The following TMC7 variants were observed in gnomAD, a reference collection of about 807,000 sequenced individuals.
TMC7 encodes the protein transmembrane channel-like protein 7.
Under a neutral mutation model 82.9 loss-of-function variants are expected in TMC7, and 54 were observed. The ratio of observed to expected loss-of-function variants is 0.65; its 90% confidence interval spans 0.52 to 0.82. The LOEUF (loss-of-function observed/expected upper bound fraction) is 0.82, where lower values mean the gene tolerates loss of function less well. Ranked by LOEUF, TMC7 falls within the 40% of genes least tolerant of loss-of-function variation. The pLI, the probability that TMC7 is intolerant of heterozygous loss-of-function variation, is 0.00. For missense variants in TMC7, 820 were observed against 901.2 expected (o/e 0.91, Z 1.15); for synonymous variants, 350 against 337.9 (o/e 1.04, Z -0.39).
In TMC7 at chr16:18,984,073, T is replaced by G; in HGVS notation, c.10T>G (p.Ser4Ala). MSE[S>A]SGSALQPGRP... ...AGCGCGGGGCGCGGCCATGAGCGAG[T>G]CCAGCGGCAGTGCGCTCCAGCCCGG... Residue 4 changes from serine (S) to alanine (A), a missense_variant, in exon 1 of 16, where the codon TCC becomes GCC. Coordinates refer to ENST00000304381, the MANE Select transcript of TMC7 (RefSeq NM_024847.4). 2 of 1,498,666 alleles carry G rather than the reference T, an allele frequency of 1.3e-6. No individual in the cohort carries two copies. The highest frequency in any genetic ancestry group is 1.8e-6 in the Non-Finnish European group (2 of 1,132,008). 92.8% of individuals were successfully genotyped at this position (1,498,666 alleles called of 1,614,324 possible).
chr16:19,040,849 A>T (rs1248806325), intron 9 of TMC7, among the ~76,000 whole-genome samples: 4 of 149,986 alleles, frequency 2.7e-5, no homozygotes, highest in African/African-American at 9.8e-5. Flanking sequence ...TTGCATTTGC[A>T]TCTTATTTCA....
chr16:19,021,608 G>A, intron 3 of TMC7, 21 bp from the exon 4 acceptor site: 1 of 1,613,504 alleles, frequency 6.2e-7, no homozygotes, highest in Non-Finnish European at 8.5e-7. Flanking sequence ...GGTCAGTGAT[G>A]TCCGGGTTTG....
chr16:19,007,597 G>A (rs1041360515), intron 1 of TMC7, among the ~76,000 whole-genome samples: 1 of 151,864 alleles, frequency 6.6e-6, no homozygotes, highest in Admixed American at 6.6e-5. Context: ...TTAGCTAAAT[G>A]TCACCTTTAA....
chr16:19,004,945 C>T (rs544859917), intron 1 of TMC7, among the ~76,000 whole-genome samples: 1 of 152,008 alleles, frequency 6.6e-6, no homozygotes, highest in African/African-American at 2.4e-5. Flanking sequence ...TCAAGCAATC[C>T]TCCTGCTTTA....
At chr16:18,997,135 G>T (rs985829728) in intron 1 of TMC7, among the ~76,000 whole-genome samples, 1 of 152,236 alleles carries the variant, frequency 6.6e-6, no homozygotes, top group African/African-American at 2.4e-5. Flanking sequence ...CTCACGGAGT[G>T]AGGGCGAGGA....
At chr16:18,986,773 T>G (rs2038857648) in intron 1 of TMC7, among the ~76,000 whole-genome samples, 1 of 151,988 alleles carries the variant, frequency 6.6e-6, no homozygotes, top group Admixed American at 6.6e-5. Flanking sequence ...GGTCTTTGCA[T>G]CTGCTGTTCT....
chr16:19,047,913 C>G (rs1016899699), intron 12 of TMC7, among the ~76,000 whole-genome samples: 6 of 128,586 alleles, frequency 4.7e-5, no homozygotes, highest in Non-Finnish European at 1.0e-4. Context: ...CTTGGCCAAG[C>G]TGGTCTTGAA....
At chr16:19,058,078 A>C (rs998294196) in intron 14 of TMC7, among the ~76,000 whole-genome samples, 3 of 151,718 alleles carry the variant, frequency 2.0e-5, no homozygotes, top group Admixed American at 6.6e-5. Context: ...CTACACCTGG[A>C]TTTGATTGCT....
intron 14 of TMC7, among the ~76,000 whole-genome samples, chr16:19,058,860 T>C (rs1361312803): frequency 2.6e-5 from 4 of 151,956 alleles, no homozygotes; most frequent in Admixed American, 2.0e-4. Flanking sequence ...CACGCCACCA[T>C]GTCTGGCTAA....
chr16:19,056,333 G>A (rs889696237), intron 13 of TMC7, among the ~76,000 whole-genome samples: 8 of 152,070 alleles, frequency 5.3e-5, no homozygotes, highest in East Asian at 1.9e-4. Flanking sequence ...TGATCCACCC[G>A]CCTCGGCCTC....
chr16:19,054,425 G>A (rs891724826), intron 13 of TMC7, among the ~76,000 whole-genome samples: 5 of 152,040 alleles, frequency 3.3e-5, no homozygotes, highest in Non-Finnish European at 4.4e-5. Flanking sequence ...GCTATAAAAT[G>A]GCATGGTAGG....
chr16:19,042,518 T>G (rs1961060252), intron 9 of TMC7, among the ~76,000 whole-genome samples: 1 of 143,676 alleles, frequency 7.0e-6, no homozygotes, highest in African/African-American at 2.5e-5. Flanking sequence ...TTTTTTTTTC[T>G]TTTTTTTGAG....
intron 5 of TMC7, among the ~76,000 whole-genome samples, chr16:19,024,954 C>G (rs533061749): frequency 7.2e-5 from 11 of 151,894 alleles, no homozygotes; most frequent in Admixed American, 6.6e-5. Context: ...TGCAGTGAGC[C>G]GAGATTGCAC....
intron 4 of TMC7, among the ~76,000 whole-genome samples, chr16:19,022,022 A>G (rs1191741518): frequency 6.6e-6 from 1 of 152,190 alleles, no homozygotes; most frequent in African/African-American, 2.4e-5. Flanking sequence ...TGAGTGAGAA[A>G]TAACCACAAA....
At chr16:19,014,146 G>A (rs779868870) in intron 2 of TMC7, among the ~76,000 whole-genome samples, 2 of 151,998 alleles carry the variant, frequency 1.3e-5, no homozygotes, top group Non-Finnish European at 2.9e-5. Flanking sequence ...GATTACAGGC[G>A]TGAGCCACCA....
intron 5 of TMC7, among the ~76,000 whole-genome samples, chr16:19,026,723 A>G (rs2142225136): frequency 6.6e-6 from 1 of 152,232 alleles, no homozygotes; most frequent in African/African-American, 2.4e-5. Context: ...TGATCTGGAG[A>G]ATGTGGACCT....
At position 19,009,513 on chromosome 16, in the gene TMC7, A is replaced by T; in HGVS notation, c.311+98A>T. The T allele has an allele frequency of 2.8e-6, 4 of 1,447,316 alleles. No homozygotes were observed. In the South Asian group the frequency reaches 4.3e-5, roughly 16 times the overall value. The allele number at this position is 1,447,316 out of a possible 1,614,324, so 89.7% of individuals were successfully genotyped here. A position where few individuals can be genotyped will look rare whatever the true frequency, so the allele number is the denominator to read the frequency against. On this transcript the variant is annotated intron_variant, in intron 2 of 15. Transcript: ENST00000304381. ...CATTTCCTGAAGAGCTCATATAATT[A>T]AAATTTTATTCCTTAGGGTAAGCTA...
At position 19,062,279 on chromosome 16, in the gene TMC7, A is replaced by AT. The variant is rs1392953559; in HGVS notation, c.*442dup. On this transcript the variant is annotated 3_prime_UTR_variant, in exon 16 of 16. Transcript: ENST00000304381. ...TGGTTTCTTAAACACACACGTCCAC[A>AT]TTTTTTAGGGTTGTTTTCCTGTGCT... The AT allele has an allele frequency of 6.3e-6, 1 of 157,924 alleles. No individual in the cohort carries two copies. Among genetic ancestry groups the AT allele is most frequent in the African/African-American group, 2.4e-5 (1 of 41,710 alleles). 9.8% of individuals were successfully genotyped at this position (157,924 alleles called of 1,614,324 possible).
chr16:19,028,226 A>G (rs1220734366), intron 5 of TMC7, among the ~76,000 whole-genome samples: 1 of 152,036 alleles, frequency 6.6e-6, no homozygotes, highest in Non-Finnish European at 1.5e-5. Context: ...GAGGTGTTCA[A>G]TCATTCCCAC....
Sources: allele counts gnomAD v4.1 joint callset (sites outside exome capture counted in the v4.1 genomes callset), GRCh38; gene constraint gnomAD v4.1.1; transcripts MANE v1.5; gene names NCBI Gene and HGNC (gene_info 2026-07-23, HGNC 2026-07-21).